Variants in RGS7 observed in about 807,000 individuals in gnomAD.
The protein encoded by RGS7 is regulator of G-protein signaling 7.
A neutral mutation model predicts 81.1 loss-of-function variants in RGS7; 27 were observed. The ratio of observed to expected loss-of-function variants is 0.33; its 90% CI spans 0.25 to 0.46. The LOEUF (loss-of-function observed/expected upper bound fraction) is 0.46, where lower values mean the gene tolerates loss of function less well. RGS7 is among the 20% of genes least tolerant of loss of function. The probability of loss-of-function intolerance (pLI) is 1.00; values close to 1 mark genes in which losing one functional copy is unlikely to be tolerated. For missense variants in RGS7, 396 were observed against 607.4 expected (o/e 0.65, Z 3.66); for synonymous variants, 208 against 207.7 (o/e 1.00, Z -0.01).
chr1:241,320,610 A>G (rs1052357303), intron 2 of RGS7, among the ~76,000 whole-genome samples: 2 of 152,246 alleles, frequency 1.3e-5, no homozygotes, highest in Non-Finnish European at 2.9e-5. Context: ...CAATCTATAC[A>G]TTTAATTAAA....
intron 6 of RGS7, among the ~76,000 whole-genome samples, chr1:240,907,802 T>C (rs1671065475): frequency 6.6e-6 from 1 of 152,146 alleles, no homozygotes; most frequent in Non-Finnish European, 1.5e-5. Flanking sequence ...AGTCCTCTCC[T>C]GTAGACACAT....
intron 2 of RGS7, among the ~76,000 whole-genome samples, chr1:241,103,079 A>G (rs2064877136): frequency 6.6e-6 from 1 of 151,980 alleles, no homozygotes; most frequent in African/African-American, 2.4e-5. Flanking sequence ...AGCAACTCCA[A>G]TAAATATGAA....
At chr1:241,020,213 T>C (rs532745242) in intron 3 of RGS7, among the ~76,000 whole-genome samples, 1 of 152,352 alleles carries the variant, frequency 6.6e-6, no homozygotes, top group East Asian at 1.9e-4. Flanking sequence ...CAGTCAGTGC[T>C]ATTTGTCTAA....
At chr1:241,258,850 A>G (rs1179190138) in intron 2 of RGS7, among the ~76,000 whole-genome samples, 1 of 152,226 alleles carries the variant, frequency 6.6e-6, no homozygotes, top group Non-Finnish European at 1.5e-5. Flanking sequence ...TAGCAACGTG[A>G]TAATTCACAG....
intron 6 of RGS7, chr1:240,919,814 G>T (rs1673207644): frequency 2.7e-6 from 2 of 748,632 alleles, no homozygotes; most frequent in Admixed American, 1.8e-5. Context: ...AGAGCTCCAT[G>T]GGCTTTGGGT....
At chr1:240,828,004 C>G (rs1290259805) in intron 9 of RGS7, among the ~76,000 whole-genome samples, 2 of 152,026 alleles carry the variant, frequency 1.3e-5, no homozygotes, top group East Asian at 3.9e-4. Flanking sequence ...TGAAACCCAG[C>G]AACTAGGAAT....
At chr1:241,235,543 A>G (rs2075883915) in intron 2 of RGS7, among the ~76,000 whole-genome samples, 1 of 152,140 alleles carries the variant, frequency 6.6e-6, no homozygotes, top group African/African-American at 2.4e-5. Context: ...TCTGTTTTTC[A>G]TTCTGATTGT....
chr1:241,335,400 GA>G (rs111459771), intron 2 of RGS7, among the ~76,000 whole-genome samples: 5,534 of 152,192 alleles, frequency 0.036, 260 homozygotes, highest in African/African-American at 0.1. Context: ...TGGAATTGGA[GA>G]AAAAACAATT....
At chr1:240,877,192 T>C (rs2148063427) in intron 6 of RGS7, among the ~76,000 whole-genome samples, 1 of 151,898 alleles carries the variant, frequency 6.6e-6, no homozygotes, top group Admixed American at 6.6e-5. Flanking sequence ...ATAACTTGAT[T>C]TGTAAAACCC....
chr1:240,886,323 G>C (rs1006930660), intron 6 of RGS7, among the ~76,000 whole-genome samples: 1 of 152,172 alleles, frequency 6.6e-6, no homozygotes, highest in South Asian at 2.1e-4. Flanking sequence ...GATAAGCCCA[G>C]AGGAGCCGTG....
chr1:240,945,996 T>C (rs960351953), intron 4 of RGS7, among the ~76,000 whole-genome samples: 2 of 152,196 alleles, frequency 1.3e-5, no homozygotes, highest in East Asian at 3.8e-4. Context: ...TCAAAATTAG[T>C]TTGGAAACTA....
intron 2 of RGS7, among the ~76,000 whole-genome samples, chr1:241,276,089 C>T (rs1311877979): frequency 2.0e-5 from 3 of 152,274 alleles, no homozygotes; most frequent in African/African-American, 7.2e-5. Context: ...TATCACCTGC[C>T]TCCTATTAAA....
chr1:241,292,076 C>T (rs75199052), intron 2 of RGS7, among the ~76,000 whole-genome samples: 4,541 of 152,218 alleles, frequency 0.03, 197 homozygotes, highest in African/African-American at 0.1. Context: ...GTTTCCACCT[C>T]CATGTCTTGT....
At chr1:241,015,938 A>G (rs2059196463) in intron 3 of RGS7, among the ~76,000 whole-genome samples, 3 of 152,220 alleles carry the variant, frequency 2.0e-5, no homozygotes, top group African/African-American at 7.2e-5. Flanking sequence ...ACTGCACTAC[A>G]TTAAGATAAC....
At chr1:240,936,774 C>T (rs185394857) in intron 4 of RGS7, 68 bp from the exon 5 acceptor site, 66 of 1,200,940 alleles carry the variant, frequency 5.5e-5, no homozygotes, top group Middle Eastern at 2.0e-4. Context: ...AGGAATGTAA[C>T]GTTTTTGTGT....
At chr1:241,257,787 A>G (rs1237549074) in intron 2 of RGS7, among the ~76,000 whole-genome samples, 1 of 152,212 alleles carries the variant, frequency 6.6e-6, no homozygotes, top group African/African-American at 2.4e-5. Flanking sequence ...AGAGGCACAG[A>G]GAACTGAAAT....
At chr1:241,177,664 C>T (rs921595505) in intron 2 of RGS7, among the ~76,000 whole-genome samples, 1 of 151,922 alleles carries the variant, frequency 6.6e-6, no homozygotes, top group East Asian at 1.9e-4. Flanking sequence ...GGTGAAAAAG[C>T]CTGGTGGTTT....
chr1:240,994,312 T>A (rs1309895850), intron 3 of RGS7, among the ~76,000 whole-genome samples: 6 of 152,220 alleles, frequency 3.9e-5, no homozygotes, highest in Non-Finnish European at 8.8e-5. Flanking sequence ...GGATTTGAAG[T>A]ATGTCTCTCC....
intron 6 of RGS7, among the ~76,000 whole-genome samples, chr1:240,892,540 G>C (rs1668443894): frequency 6.6e-6 from 1 of 152,130 alleles, no homozygotes; most frequent in South Asian, 2.1e-4. Context: ...CTGTTAAGTT[G>C]AGCCTAAAGC....
Sources: allele counts gnomAD v4.1 joint callset (sites outside exome capture counted in the v4.1 genomes callset), GRCh38; gene constraint gnomAD v4.1.1; transcripts MANE v1.5; gene names NCBI Gene and HGNC (gene_info 2026-07-23, HGNC 2026-07-21).